PHACTR2: variants seen among roughly 807,000 people sequenced by gnomAD.
PHACTR2 encodes chromosome 6 open reading frame 56.
PHACTR2 carries 30 observed loss-of-function variants against 76.0 expected under a neutral mutation model. That is an observed-to-expected ratio of 0.39 (90% CI 0.30 to 0.54). The LOEUF is 0.54. PHACTR2 is among the 20% of genes least tolerant of loss of function. The pLI is 0.61. For missense variants in PHACTR2, 696 were observed against 781.1 expected (o/e 0.89, Z 1.30); for synonymous variants, 292 against 292.5 (o/e 1.00, Z 0.02).
chr6:143,748,825 G>T, intron 2 of PHACTR2, 160 bp from the exon 3 acceptor site: 1 of 524,298 alleles, frequency 1.9e-6, no homozygotes. Context: ...TCATAGCTGT[G>T]TTGATTCCAC....
rs1311214258 is a variant in PHACTR2, at chr6:143,558,919, C to T, written c.217+21712C>T. 1.3e-5 allele frequency among the ~76,000 whole-genome samples: 2 copies of T among 152,162 alleles called. No individual in the cohort carries two copies. The highest frequency in any genetic ancestry group is 2.9e-5 in the Non-Finnish European group (2 of 68,036). On this transcript the variant is annotated intron_variant, in intron 1 of 11. Transcript: ENST00000367584. The surrounding 1 kb of genome is among the most constrained non-coding windows in gnomAD (Gnocchi z 4.7). ...CTGAAATGCATGTGTATGGCTTAGGCCTCTCCCATCCCCACTCCCTGGGAG... is the reference window on the plus strand; with the variant it reads ...CTGAAATGCATGTGTATGGCTTAGGTCTCTCCCATCCCCACTCCCTGGGAG...
rs539332857 is a variant in PHACTR2 at position 143,705,333 on chromosome 6, A to C, written c.47-6683A>C. On this transcript the variant is annotated intron_variant, in intron 1 of 12. Transcript: ENST00000440869. ...TTTTTGAGACGGAGTCTTGCTCTGT[A>C]GCCCAGGCTGGAGTGCAGTGGCGCA... Among the ~76,000 whole-genome samples the C allele has an allele frequency of 4.3e-3, 547 of 126,292 alleles. 6 individuals are homozygous for C. Among genetic ancestry groups the C allele is most frequent in the African/African-American group, 0.016 (508 of 32,664 alleles). 82.9% of individuals were successfully genotyped at this position (126,292 alleles called of 152,430 possible). A position where few individuals can be genotyped will look rare whatever the true frequency, so the allele number is the denominator to read the frequency against.
Position 143,680,061 on chromosome 6 carries a change from A to G in PHACTR2, c.46+1852A>G, listed in dbSNP as rs553194414. 1.4e-4 allele frequency among the ~76,000 whole-genome samples: 21 copies of G among 152,196 alleles called. No homozygotes were observed. The highest frequency in any genetic ancestry group is 5.1e-4 in the African/African-American group (21 of 41,530). ...TTAAGTTGTGGTATTGTAAAAGAAC[A>G]GTTTTCTCGTGGTATCCAGTGTCTC... On this transcript the variant is annotated intron_variant, in intron 1 of 12. Coordinates refer to ENST00000440869, the MANE Select transcript of PHACTR2 (RefSeq NM_001100164.2). The surrounding 1 kb of genome is among the most constrained non-coding windows in gnomAD (Gnocchi z 4.5).
At position 143,683,754 on chromosome 6, in the gene PHACTR2, T is replaced by C. The variant is rs966494644; in HGVS notation, c.46+5545T>C. 6.6e-6 allele frequency among the ~76,000 whole-genome samples: 1 copy of C among 152,212 alleles called. No individual in the cohort carries two copies. Among genetic ancestry groups the C allele is most frequent in the Non-Finnish European group, 1.5e-5 (1 of 68,034 alleles). On this transcript the variant is annotated intron_variant, in intron 1 of 12. Transcript: ENST00000440869. The surrounding 1 kb of genome is among the most constrained non-coding windows in gnomAD (Gnocchi z 4.1). The stretch of plus-strand genomic sequence containing the variant: ...AGTTTGTTTTCTTTATTCCATAATA[T>C]ATACATGGTAGGAAGTCAAACATTA...
At position 143,794,825 on chromosome 6, in the gene PHACTR2, A is replaced by G. The variant is rs767744769; in HGVS notation, c.1845+5915A>G. Among the ~76,000 whole-genome samples, 1 of 152,058 alleles carries G rather than the reference A, an allele frequency of 6.6e-6. No individual in the cohort carries two copies. The highest frequency in any genetic ancestry group is 2.4e-5 in the African/African-American group (1 of 41,408). On this transcript the variant is annotated intron_variant, in intron 11 of 12. Coordinates refer to ENST00000440869, the MANE Select transcript of PHACTR2 (RefSeq NM_001100164.2). The surrounding 1 kb of genome is among the most constrained non-coding windows in gnomAD (Gnocchi z 4.1). ...TGAACCAAACCAAACAAACAAACAA[A>G]CAAAAAATGAGCTTCCTTTCAGCCT...
rs1045347202 is a variant in PHACTR2, at chr6:143,558,867, C to T, written c.217+21660C>T. Among the ~76,000 whole-genome samples the T allele has an allele frequency of 6.6e-6, 1 of 152,180 alleles. No homozygotes were observed. The highest frequency in any genetic ancestry group is 1.5e-5 in the Non-Finnish European group (1 of 68,034). ...TGGTGATTAGGTAGCTCGAGGGCCC[C>T]TAAACACCTCCCTGATGATTGACCA... On this transcript the variant is annotated intron_variant, in intron 1 of 11. Coordinates refer to the PHACTR2 transcript ENST00000367584. The surrounding 1 kb of genome is among the most constrained non-coding windows in gnomAD (Gnocchi z 4.7).
At position 143,807,808 on chromosome 6, in the gene PHACTR2, G is replaced by A. The variant is rs184979355; in HGVS notation, c.1922+675G>A. Among the ~76,000 whole-genome samples the A allele has an allele frequency of 3.1e-4, 47 of 152,210 alleles. No homozygotes were observed. The highest frequency in any genetic ancestry group is 3.4e-3 in the Middle Eastern group (1 of 294). On this transcript the variant is annotated intron_variant, in intron 12 of 12. Coordinates refer to ENST00000440869, the MANE Select transcript of PHACTR2 (RefSeq NM_001100164.2). This position sits in a 1 kb window ranked among gnomAD's most constrained non-coding sequence, Gnocchi z 5.5. Reference sequence around the variant, plus strand: ...GTTTCTTTCACAGGTTACCTAACCCGGTAACAAATATTGATCCCCTAAGCT... The same window carrying A: ...GTTTCTTTCACAGGTTACCTAACCCAGTAACAAATATTGATCCCCTAAGCT...
chr6:143,665,940 G>GTA (rs1450738753), intron 1 of PHACTR2, among the ~76,000 whole-genome samples: 2 of 152,072 alleles, frequency 1.3e-5, no homozygotes, highest in Non-Finnish European at 2.9e-5. Context: ...TGTTACATAG[G>GTA]TATATACATG....
chr6:143,719,813 CTT>C (rs10675688), intron 2 of PHACTR2, among the ~76,000 whole-genome samples: 3 of 94,830 alleles, frequency 3.2e-5, no homozygotes, highest in African/African-American at 4.8e-5. Flanking sequence ...GTGTTCGACA[CTT>C]TTTTTTTTTT....
chr6:143,645,629 A>T (rs1395242897), intron 1 of PHACTR2, among the ~76,000 whole-genome samples: 1 of 152,196 alleles, frequency 6.6e-6, no homozygotes, highest in African/African-American at 2.4e-5. Flanking sequence ...AATTTAAGTG[A>T]CTATATTAAG....
chr6:143,633,434 G>T lies in PHACTR2; in HGVS notation c.13+25112G>T, dbSNP rs1776398762. 6.6e-6 allele frequency among the ~76,000 whole-genome samples: 1 copy of T among 152,128 alleles called. No homozygotes were observed. Among genetic ancestry groups the T allele is most frequent in the South Asian group, 2.1e-4 (1 of 4,828 alleles). Reference sequence around the variant, plus strand: ...TTCTTTGGTGAGGTCTTCCTTTTTAGTGAGGACCTCTTTAGAGAGACCTTC... The same window carrying T: ...TTCTTTGGTGAGGTCTTCCTTTTTATTGAGGACCTCTTTAGAGAGACCTTC... On this transcript the variant is annotated intron_variant, in intron 1 of 11. Transcript: ENST00000305766. The surrounding 1 kb of genome is among the most constrained non-coding windows in gnomAD (Gnocchi z 4.1).
intron 1 of PHACTR2, among the ~76,000 whole-genome samples, chr6:143,586,219 G>C (rs1011292364): frequency 1.3e-5 from 2 of 152,168 alleles, no homozygotes; most frequent in Non-Finnish European, 2.9e-5. Flanking sequence ...AAGAGAGAGA[G>C]AAGGAGAGAG....
rs1256368100 is a variant in PHACTR2, at chr6:143,653,248, A to G, written c.13+44926A>G. Among the ~76,000 whole-genome samples the G allele has an allele frequency of 6.6e-6, 1 of 152,156 alleles. No homozygotes were observed. Among genetic ancestry groups the G allele is most frequent in the Non-Finnish European group, 1.5e-5 (1 of 68,022 alleles). On this transcript the variant is annotated intron_variant, in intron 1 of 11. Transcript: ENST00000305766. The surrounding 1 kb of genome is among the most constrained non-coding windows in gnomAD (Gnocchi z 4.9). Reference sequence around the variant, plus strand: ...GCTTTGGAGTTTCCCTCTGGATTTTAGTCAAGCTGTCACAAAGTTCATGAC... The same window carrying G: ...GCTTTGGAGTTTCCCTCTGGATTTTGGTCAAGCTGTCACAAAGTTCATGAC...
chr6:143,699,270 C>T (rs112134339), intron 1 of PHACTR2, among the ~76,000 whole-genome samples: 2,413 of 152,256 alleles, frequency 0.016, 29 homozygotes, highest in Non-Finnish European at 0.024. Flanking sequence ...AGCTCTGCAG[C>T]CCTTCTTCTT....
At chr6:143,681,183 A>G (rs1213866093) in intron 1 of PHACTR2, among the ~76,000 whole-genome samples, 1 of 152,190 alleles carries the variant, frequency 6.6e-6, no homozygotes, top group Non-Finnish European at 1.5e-5. Flanking sequence ...GTGTTGCCAA[A>G]CAGTTTCCAA....
intron 1 of PHACTR2, among the ~76,000 whole-genome samples, chr6:143,705,432 C>T (rs2128459530): frequency 6.6e-6 from 1 of 151,396 alleles, no homozygotes; most frequent in East Asian, 2.0e-4. Flanking sequence ...GTAGCTGGGA[C>T]TACAGGCGCC....
At chr6:143,666,455 T>C (rs946590120) in intron 1 of PHACTR2, among the ~76,000 whole-genome samples, 3 of 152,188 alleles carry the variant, frequency 2.0e-5, no homozygotes, top group African/African-American at 4.8e-5. Flanking sequence ...ATCACCACAG[T>C]GTCTTCCACA....
chr6:143,805,331 T>G (rs961613822), intron 11 of PHACTR2, among the ~76,000 whole-genome samples: 3 of 151,282 alleles, frequency 2.0e-5, no homozygotes, highest in African/African-American at 7.3e-5. Context: ...TACAAAAAAT[T>G]AGCCAGGCAC....
chr6:143,627,229 A>G lies in PHACTR2; in HGVS notation c.13+18907A>G, dbSNP rs1330092299. On this transcript the variant is annotated intron_variant, in intron 1 of 11. Coordinates refer to the PHACTR2 transcript ENST00000305766. The surrounding 1 kb of genome is among the most constrained non-coding windows in gnomAD (Gnocchi z 4.3). Reference sequence around the variant, plus strand: ...CTGGGATGTTTGAAGAACAGGTTCAAGTTTGCTAGGCAGAGGGAAATGTGA... The same window carrying G: ...CTGGGATGTTTGAAGAACAGGTTCAGGTTTGCTAGGCAGAGGGAAATGTGA... Among the ~76,000 whole-genome samples, 3 of 152,090 alleles carry G rather than the reference A, an allele frequency of 2.0e-5. No homozygotes were observed. The highest frequency in any genetic ancestry group is 3.9e-4 in the East Asian group (2 of 5,194).
Sources: gnomAD v4.1 joint callset for allele counts (sites outside exome capture counted in the v4.1 genomes callset) on GRCh38, gnomAD v4.1.1 for gene constraint, Gnocchi (gnomAD v3.1) non-coding constraint, MANE v1.5 for transcripts, NCBI Gene and HGNC (gene_info 2026-07-23, HGNC 2026-07-21) for gene names.